The following MYO5A variants were observed in gnomAD, a reference collection of about 807,000 sequenced individuals.
The protein encoded by MYO5A is unconventional myosin-Va.
Under a neutral mutation model 249.7 loss-of-function variants are expected in MYO5A, and 98 were observed. The ratio of observed to expected loss-of-function variants is 0.39; its 90% CI spans 0.33 to 0.46. MYO5A has a LOEUF of 0.46. MYO5A is among the 20% of genes least tolerant of loss of function. The pLI is 0.98. For missense variants in MYO5A, 1,696 were observed against 2,308.8 expected, an observed-to-expected ratio of 0.73 and a Z score of 5.44; for synonymous variants, 778 against 810.6, an observed-to-expected ratio of 0.96 and a Z score of 0.68.
At chr15:52,436,516 A>G (rs187932695) in intron 1 of MYO5A, among the ~76,000 whole-genome samples, 28 of 152,336 alleles carry the variant, frequency 1.8e-4, no homozygotes, top group African/African-American at 6.3e-4. Context: ...GCGGAAATCA[A>G]TCCAAACTAC....
rs903491327 is a variant in MYO5A at position 52,311,745 on chromosome 15, G to A, written c.*1951C>T. On this transcript the variant is annotated 3_prime_UTR_variant, in exon 42 of 42. Coordinates refer to ENST00000399233, the MANE Select transcript of MYO5A (RefSeq NM_001382347.1). ...GAGTAACTGCAGCTTTTTCTCTCTA[G>A]AATCTAAGGGCTGAGAAGAGAGAAT... 3 of 152,426 alleles carry A rather than the reference G, an allele frequency of 2.0e-5. No homozygotes were observed. Among genetic ancestry groups the A allele is most frequent in the Non-Finnish European group, 2.9e-5 (2 of 68,016 alleles). The allele number at this position is 152,426 out of a possible 1,614,324, so 9.4% of individuals were successfully genotyped here. A position where few individuals can be genotyped will look rare whatever the true frequency, so the allele number is the denominator to read the frequency against.
chr15:52,367,031 C>G lies in MYO5A; in HGVS notation c.3160G>C (p.Glu1054Gln). Residue 1054 changes from glutamate (E) to glutamine (Q), a missense_variant and splice_region_variant, in exon 23 of 42, where the codon GAA (glutamate) becomes CAA (glutamine). Transcript: ENST00000399233. ...CGTGTAGTACGCATATAAGCTTTAC[C>G]TGTCATCTCCTTAGCCTGCTGCACG... ...RIVQQAKEMTETMEKKLVEET... is the reference protein window; with the variant it reads ...RIVQQAKEMTQTMEKKLVEET... 6.2e-7 allele frequency: 1 copy of G among 1,613,402 alleles called. No homozygotes were observed. The highest frequency in any genetic ancestry group is 8.5e-7 in the Non-Finnish European group (1 of 1,179,440).
intron 1 of MYO5A, among the ~76,000 whole-genome samples, chr15:52,446,557 G>A (rs2075894867): frequency 6.6e-6 from 1 of 152,196 alleles, no homozygotes; most frequent in Non-Finnish European, 1.5e-5. Context: ...GTTGCAAGGG[G>A]GCATTGCCTA....
chr15:52,405,912 T>C (rs1380156892), intron 8 of MYO5A, among the ~76,000 whole-genome samples: 1 of 152,226 alleles, frequency 6.6e-6, no homozygotes, highest in East Asian at 1.9e-4. Flanking sequence ...CTTAAGGCTG[T>C]TTAAAAAGTA....
At chr15:52,465,407 A>G (rs1364471591) in intron 1 of MYO5A, among the ~76,000 whole-genome samples, 2 of 152,206 alleles carry the variant, frequency 1.3e-5, no homozygotes, top group Admixed American at 1.3e-4. Context: ...TTGGTATAAA[A>G]TATTTTTCAG....
chr15:52,408,664 A>G (rs1198736014), intron 6 of MYO5A, among the ~76,000 whole-genome samples: 2 of 152,340 alleles, frequency 1.3e-5, no homozygotes, highest in Non-Finnish European at 2.9e-5. Flanking sequence ...ATAGAAAATA[A>G]ATCACATATA....
At position 52,367,013 on chromosome 15, in the gene MYO5A, T is replaced by C. The variant is rs1446876408; in HGVS notation, c.3160+18A>G. The C allele has an allele frequency of 1.9e-6, 3 of 1,603,310 alleles. No individual in the cohort carries two copies. The highest frequency in any genetic ancestry group is 1.1e-5 in the South Asian group (1 of 90,892). ...TGGTGTGAGGTTGGTTGGCGTGTAG[T>C]ACGCATATAAGCTTTACCTGTCATC... On this transcript the variant is annotated intron_variant, in intron 23 of 41. Coordinates refer to ENST00000399233, the MANE Select transcript of MYO5A (RefSeq NM_001382347.1).
At chr15:52,336,689 C>T (rs2039137934) in intron 33 of MYO5A, 133 bp from the exon 34 acceptor site, 1 of 711,866 alleles carries the variant, frequency 1.4e-6, no homozygotes, top group African/African-American at 1.8e-5. Context: ...GAGCCACCAC[C>T]TGGCTAAAAT....
chr15:52,500,659 T>C (rs2141580069), intron 1 of MYO5A, among the ~76,000 whole-genome samples: 1 of 152,272 alleles, frequency 6.6e-6, no homozygotes, highest in South Asian at 2.1e-4. Flanking sequence ...CTTTGCCCAT[T>C]TTTCAACAGG....
chr15:52,460,137 G>A (rs1238935946), intron 1 of MYO5A, among the ~76,000 whole-genome samples: 1 of 151,484 alleles, frequency 6.6e-6, no homozygotes, highest in Non-Finnish European at 1.5e-5. Flanking sequence ...ATGACGGCCG[G>A]GAAGAGGCGC....
Position 52,353,358 on chromosome 15 carries a change from G to A in MYO5A, c.3621+247C>T, listed in dbSNP as rs147214782. On this transcript the variant is annotated intron_variant, in intron 27 of 41. Transcript: ENST00000399233. The stretch of plus-strand genomic sequence containing the variant: ...TATAGTGGCAGATGCTAGAGTCCAC[G>A]TCCTTTACTACCACAGCCTCGAACA... 4.0e-4 allele frequency among the ~76,000 whole-genome samples: 61 copies of A among 152,254 alleles called. No homozygotes were observed. In the East Asian group the frequency reaches 8.9e-3, roughly 22 times the overall value.
intron 1 of MYO5A, among the ~76,000 whole-genome samples, chr15:52,461,543 T>C (rs528219076): frequency 6.6e-6 from 1 of 152,204 alleles, no homozygotes; most frequent in African/African-American, 2.4e-5. Flanking sequence ...TTGAAGGTGA[T>C]GAACAGAACA....
intron 1 of MYO5A, among the ~76,000 whole-genome samples, chr15:52,460,869 A>G (rs1261889070): frequency 2.6e-5 from 4 of 152,252 alleles, no homozygotes; most frequent in Non-Finnish European, 4.4e-5. Context: ...ATCATAAAAT[A>G]TATATGATCA....
chr15:52,489,509 A>G (rs1241921420), intron 1 of MYO5A, among the ~76,000 whole-genome samples: 1 of 151,316 alleles, frequency 6.6e-6, no homozygotes, highest in East Asian at 1.9e-4. Context: ...GGTTGCAGTG[A>G]GCCAAGATCG....
chr15:52,398,409 C>A (rs537486707), intron 9 of MYO5A, among the ~76,000 whole-genome samples: 1 of 152,258 alleles, frequency 6.6e-6, no homozygotes, highest in South Asian at 2.1e-4. Context: ...ATTCCTGGGG[C>A]ATAGGGAGGG....
In MYO5A at chr15:52,442,825, G is replaced by A. The variant is rs967424037; in HGVS notation, c.28-9540C>T. On this transcript the variant is annotated intron_variant, in intron 1 of 41. Coordinates refer to ENST00000399233, the MANE Select transcript of MYO5A (RefSeq NM_001382347.1). ...GGCTGGAGTGCAGTGGCACGATCTCGGCTCACTGCAACCTCCACCTCCCAG... is the reference window on the plus strand; with the variant it reads ...GGCTGGAGTGCAGTGGCACGATCTCAGCTCACTGCAACCTCCACCTCCCAG... 6.0e-5 allele frequency among the ~76,000 whole-genome samples: 9 copies of A among 149,190 alleles called. No homozygotes were observed. In the East Asian group the frequency reaches 9.8e-4, roughly 16 times the overall value.
chr15:52,385,161 T>C (rs1008342455), intron 14 of MYO5A, among the ~76,000 whole-genome samples: 1 of 152,192 alleles, frequency 6.6e-6, no homozygotes, highest in Non-Finnish European at 1.5e-5. Context: ...TTGATGTATG[T>C]ACATATCTTT....
At chr15:52,327,783 A>T in intron 36 of MYO5A, 69 bp downstream of exon 36, 1 of 1,440,194 alleles carries the variant, frequency 6.9e-7, no homozygotes, top group Non-Finnish European at 9.8e-7. Context: ...TAAGGAAGGA[A>T]GATCAATCAG....
Position 52,336,054 on chromosome 15 carries a change from A to G in MYO5A, c.4408+409T>C, listed in dbSNP as rs371502375. On this transcript the variant is annotated intron_variant, in intron 34 of 41. Transcript: ENST00000399233. ...TCAGATAGATGCTATTATCTTTCTA[A>G]TTTAACAGATGGGAAAGCACAGGCA... is the stretch of plus-strand genomic sequence containing the variant. Among the ~76,000 whole-genome samples, 9 of 152,338 alleles carry G rather than the reference A, an allele frequency of 5.9e-5. No homozygotes were observed. In the East Asian group the frequency reaches 9.6e-4, roughly 16 times the overall value.
Sources: allele counts gnomAD v4.1 joint callset (sites outside exome capture counted in the v4.1 genomes callset), GRCh38; gene constraint gnomAD v4.1.1; transcripts MANE v1.5; gene names NCBI Gene and HGNC (gene_info 2026-07-23, HGNC 2026-07-21).